The following ZNF385D variants were observed in gnomAD, a reference collection of about 807,000 sequenced individuals.
The protein encoded by ZNF385D is zinc finger protein 385D.
Under a neutral mutation model 35.8 loss-of-function variants are expected in ZNF385D, and 15 were observed. The ratio of observed to expected loss-of-function variants is 0.42; its 90% CI spans 0.28 to 0.64. ZNF385D has a LOEUF of 0.64. ZNF385D is among the 30% of genes least tolerant of loss of function. ZNF385D has a pLI of 0.23. For synonymous variants in ZNF385D, 212 were observed against 186.8 expected (o/e 1.13, Z -1.10); for missense variants, 474 against 494.6 (o/e 0.96, Z 0.39).
intron 2 of ZNF385D, among the ~76,000 whole-genome samples, chr3:22,185,332 C>T (rs1431209280): frequency 1.3e-5 from 2 of 152,118 alleles, no homozygotes; most frequent in Admixed American, 6.6e-5. Flanking sequence ...CAATGGTGCT[C>T]GTTAGTAAAA....
intron 3 of ZNF385D, among the ~76,000 whole-genome samples, chr3:21,935,369 A>G (rs1701209331): frequency 1.3e-5 from 2 of 152,174 alleles, no homozygotes; most frequent in Admixed American, 6.5e-5. Context: ...TAACTCAGTT[A>G]TCCTCCAAAT....
At chr3:22,061,636 G>C (rs879748231) in intron 3 of ZNF385D, among the ~76,000 whole-genome samples, 1 of 152,090 alleles carries the variant, frequency 6.6e-6, no homozygotes, top group Non-Finnish European at 1.5e-5. Flanking sequence ...TCTTTCAACA[G>C]TTCATCCATA....
chr3:22,008,739 A>AT lies in ZNF385D; in HGVS notation c.325+160077dup, dbSNP rs200979774. Among the ~76,000 whole-genome samples the AT allele has an allele frequency of 7.2e-3, 1,100 of 152,182 alleles. 24 individuals carry two copies. Among genetic ancestry groups the AT allele is most frequent in the African/African-American group, 0.025 (1,024 of 41,558 alleles). On this transcript the variant is annotated intron_variant, in intron 3 of 5. Coordinates refer to the ZNF385D transcript ENST00000494108. ...CTGAAAACTGAAAAACCGTGTGAAT[A>AT]TTTTTACACACACTGTGAGTAACAA... is the stretch of plus-strand genomic sequence containing the variant.
intron 5 of ZNF385D, among the ~76,000 whole-genome samples, chr3:21,431,742 A>G (rs75144331): frequency 0.024 from 3,588 of 152,256 alleles, 122 homozygotes; most frequent in Admixed American, 0.089. Context: ...TTTATTTTCA[A>G]TTAAAGGGAA....
chr3:21,727,562 G>C (rs1039928810), intron 1 of ZNF385D, among the ~76,000 whole-genome samples: 6 of 152,138 alleles, frequency 3.9e-5, no homozygotes, highest in Non-Finnish European at 8.8e-5. Context: ...AGAAACATAT[G>C]AAAAAATGCT....
intron 1 of ZNF385D, among the ~76,000 whole-genome samples, chr3:21,711,142 C>A (rs1559541817): frequency 6.7e-6 from 1 of 149,696 alleles, no homozygotes; most frequent in South Asian, 2.1e-4. Flanking sequence ...CCCGTGTTCA[C>A]GCCATTCTCC....
chr3:21,487,005 A>G (rs1046273297), intron 4 of ZNF385D, among the ~76,000 whole-genome samples: 1 of 152,132 alleles, frequency 6.6e-6, no homozygotes, highest in Non-Finnish European at 1.5e-5. Context: ...TAAATGATTT[A>G]CAAATGTAAT....
At chr3:21,811,088 T>A (rs1227479966) in intron 3 of ZNF385D, among the ~76,000 whole-genome samples, 1 of 151,594 alleles carries the variant, frequency 6.6e-6, no homozygotes, top group Non-Finnish European at 1.5e-5. Flanking sequence ...AGAAAAGAGA[T>A]ACAAATGCAA....
intron 3 of ZNF385D, among the ~76,000 whole-genome samples, chr3:21,764,505 C>T (rs745650787): frequency 6.6e-6 from 1 of 152,130 alleles, no homozygotes. Context: ...CCACAGTTTT[C>T]CTTGCTCAGG....
chr3:21,922,284 A>C (rs372191113), intron 3 of ZNF385D, among the ~76,000 whole-genome samples: 2,584 of 151,966 alleles, frequency 0.017, 34 homozygotes, highest in Non-Finnish European at 0.028. Flanking sequence ...TAGAAAAAAA[A>C]TTTTATAAAA....
chr3:22,090,752 G>A (rs1184220425), intron 3 of ZNF385D, among the ~76,000 whole-genome samples: 2 of 152,146 alleles, frequency 1.3e-5, no homozygotes, highest in African/African-American at 4.8e-5. Flanking sequence ...TGAACCAAAT[G>A]AAATTGACAA....
chr3:22,292,734 T>C (rs1031710203), intron 2 of ZNF385D, among the ~76,000 whole-genome samples: 2 of 152,128 alleles, frequency 1.3e-5, no homozygotes, highest in African/African-American at 2.4e-5. Context: ...TAGTTAGAAA[T>C]ATTTTTAAAA....
chr3:22,294,166 C>T (rs910710273), intron 2 of ZNF385D, among the ~76,000 whole-genome samples: 8 of 151,872 alleles, frequency 5.3e-5, no homozygotes, highest in Admixed American at 3.3e-4. Flanking sequence ...CAACATAGTG[C>T]TACTACAGAA....
At chr3:21,636,354 T>TTATA (rs1345158325) in intron 2 of ZNF385D, among the ~76,000 whole-genome samples, 11 of 109,798 alleles carry the variant, frequency 1.0e-4, no homozygotes, top group Non-Finnish European at 1.3e-4. Context: ...ATATATATGA[T>TTATA]TATATATGAT....
At chr3:21,431,085 A>G (rs1317192834) in intron 5 of ZNF385D, 1 of 152,216 alleles carries the variant, frequency 6.6e-6, no homozygotes, top group Non-Finnish European at 1.5e-5. Flanking sequence ...ACATTTTCAC[A>G]TGTATACTTT....
At chr3:21,608,015 T>C (rs866060580) in intron 2 of ZNF385D, among the ~76,000 whole-genome samples, 57 of 90,790 alleles carry the variant, frequency 6.3e-4, no homozygotes, top group African/African-American at 2.0e-3. Flanking sequence ...TTTTCTTCTT[T>C]TTTTTTTGTT....
intron 2 of ZNF385D, among the ~76,000 whole-genome samples, chr3:22,173,994 T>G (rs1411375578): frequency 3.3e-5 from 5 of 150,254 alleles, no homozygotes; most frequent in Admixed American, 6.7e-5. Flanking sequence ...TATTATCAGT[T>G]TCAATTAAGA....
intron 3 of ZNF385D, among the ~76,000 whole-genome samples, chr3:21,830,357 A>G (rs1021942328): frequency 6.6e-6 from 1 of 152,168 alleles, no homozygotes; most frequent in Admixed American, 6.5e-5. Flanking sequence ...AATTGATTAC[A>G]TTGATCTGTT....
chr3:22,024,496 G>A (rs138568509), intron 3 of ZNF385D, among the ~76,000 whole-genome samples: 2,509 of 151,900 alleles, frequency 0.017, 81 homozygotes, highest in African/African-American at 0.056. Flanking sequence ...AAATGCTAAG[G>A]ACTCTACTTC....
Sources: allele counts gnomAD v4.1 joint callset (sites outside exome capture counted in the v4.1 genomes callset), GRCh38; gene constraint gnomAD v4.1.1; transcripts MANE v1.5; gene names NCBI Gene and HGNC (gene_info 2026-07-23, HGNC 2026-07-21).